Variants in TRAPPC9 observed in about 807,000 individuals in gnomAD.
TRAPPC9 encodes the protein IKK2 binding protein.
A neutral mutation model predicts 124.0 loss-of-function variants in TRAPPC9; 83 were observed. That is an observed-to-expected ratio of 0.67 (90% CI 0.56 to 0.80). The LOEUF (loss-of-function observed/expected upper bound fraction) is 0.80. Among genes scored for constraint, TRAPPC9 ranks in the 30% least tolerant of loss-of-function variants. The pLI, the probability that TRAPPC9 is intolerant of heterozygous loss-of-function variation, is 0.00. For missense variants in TRAPPC9, 1,302 were observed against 1,508.3 expected, an observed-to-expected ratio of 0.86 and a Z score of 2.27; for synonymous variants, 638 against 617.5, an observed-to-expected ratio of 1.03 and a Z score of -0.49.
At chr8:140,037,752 C>CCA (rs577081055) in intron 17 of TRAPPC9, among the ~76,000 whole-genome samples, 2 of 147,996 alleles carry the variant, frequency 1.4e-5, no homozygotes, top group South Asian at 4.3e-4. Context: ...CACACACACC[C>CCA]CACACACACA....
At position 139,762,595 on chromosome 8, in the gene TRAPPC9, G is replaced by A. The variant is rs144005235; in HGVS notation, c.3056-30393C>T. 5.8e-4 allele frequency among the ~76,000 whole-genome samples: 88 copies of A among 152,320 alleles called. 1 individual carries two copies. The highest frequency in any genetic ancestry group is 2.1e-3 in the African/African-American group (86 of 41,570). ...ACCCAAACATCTAGACACAGAAAAGGTATGGTAAAAATAAGGAATTATAAT... is the reference window on the plus strand; with the variant it reads ...ACCCAAACATCTAGACACAGAAAAGATATGGTAAAAATAAGGAATTATAAT... On this transcript the variant is annotated intron_variant, in intron 21 of 22. Coordinates refer to ENST00000438773, the MANE Select transcript of TRAPPC9 (RefSeq NM_001160372.4).
At chr8:140,185,493 A>G (rs2062331605) in intron 17 of TRAPPC9, among the ~76,000 whole-genome samples, 1 of 152,220 alleles carries the variant, frequency 6.6e-6, no homozygotes, top group South Asian at 2.1e-4. Context: ...TAGGGGGCTG[A>G]GGACCGAGTC....
intron 9 of TRAPPC9, among the ~76,000 whole-genome samples, chr8:140,352,407 T>G (rs1277864037): frequency 6.6e-6 from 1 of 152,210 alleles, no homozygotes; most frequent in East Asian, 1.9e-4. Context: ...TTAAACAACC[T>G]CAAGGTCTAC....
At chr8:140,394,058 C>T (rs2069015862) in intron 7 of TRAPPC9, among the ~76,000 whole-genome samples, 1 of 152,224 alleles carries the variant, frequency 6.6e-6, no homozygotes, top group Admixed American at 6.5e-5. Flanking sequence ...GGACAGGCTG[C>T]TCCAAAGAAC....
chr8:140,247,023 T>C (rs1563879123), intron 16 of TRAPPC9, among the ~76,000 whole-genome samples: 1 of 152,012 alleles, frequency 6.6e-6, no homozygotes, highest in Non-Finnish European at 1.5e-5. Context: ...CTTCCCATGC[T>C]CCCCCCATGT....
At chr8:139,736,911 C>G (rs2130006593) in intron 21 of TRAPPC9, among the ~76,000 whole-genome samples, 1 of 152,300 alleles carries the variant, frequency 6.6e-6, no homozygotes, top group Non-Finnish European at 1.5e-5. Context: ...CCCTGCTGAG[C>G]AGGGCTGCAA....
intron 21 of TRAPPC9, among the ~76,000 whole-genome samples, chr8:139,842,075 C>T (rs578254569): frequency 1.3e-5 from 2 of 152,332 alleles, no homozygotes; most frequent in Admixed American, 6.5e-5. Context: ...CAGCAGAGGC[C>T]GGTCCATGAG....
chr8:140,153,320 C>G (rs1347347879), intron 17 of TRAPPC9, among the ~76,000 whole-genome samples: 1 of 152,070 alleles, frequency 6.6e-6, no homozygotes, highest in Non-Finnish European at 1.5e-5. Context: ...CTTCTTCCCT[C>G]CATGATTTGT....
intron 17 of TRAPPC9, among the ~76,000 whole-genome samples, chr8:140,027,483 AC>A (rs1449368958): frequency 6.6e-6 from 1 of 152,240 alleles, no homozygotes; most frequent in Non-Finnish European, 1.5e-5. Context: ...TGGGGAATGA[AC>A]AAAAAGTACA....
At chr8:140,218,456 C>T (rs1012412209) in intron 17 of TRAPPC9, among the ~76,000 whole-genome samples, 8 of 152,014 alleles carry the variant, frequency 5.3e-5, no homozygotes, top group Non-Finnish European at 8.8e-5. Flanking sequence ...ATGACAATCT[C>T]GTTAATCTTG....
rs57243402 is a variant in TRAPPC9 at position 140,045,631 on chromosome 8, G to GAAAAAAAAAAA, written c.2557-21563_2557-21553dup. ...GACAGAGCAAGACTCCATCTCGGCA[G>GAAAAAAAAAAA]AAAAAAAAAAAAAAAAAAAAAAAAA... is the stretch of plus-strand genomic sequence containing the variant. On this transcript the variant is annotated intron_variant, in intron 17 of 22. Transcript: ENST00000438773. Among the ~76,000 whole-genome samples the GAAAAAAAAAAA allele has an allele frequency of 3.3e-4, 11 of 33,262 alleles. 2 individuals carry two copies. The highest frequency in any genetic ancestry group is 9.6e-4 in the African/African-American group (11 of 11,476). The allele number at this position is 33,262 out of a possible 152,430, so 21.8% of individuals were successfully genotyped here. A position where few individuals can be genotyped will look rare whatever the true frequency, so the allele number is the denominator to read the frequency against.
chr8:139,775,986 A>G (rs1444802614), intron 21 of TRAPPC9, among the ~76,000 whole-genome samples: 1 of 152,220 alleles, frequency 6.6e-6, no homozygotes, highest in East Asian at 1.9e-4. Flanking sequence ...CAAGCAAGGC[A>G]GCCCCTGGGC....
chr8:139,867,084 T>A (rs1828596547), intron 21 of TRAPPC9, among the ~76,000 whole-genome samples: 1 of 152,216 alleles, frequency 6.6e-6, no homozygotes, highest in Admixed American at 6.5e-5. Context: ...TCCGCCCGCC[T>A]TGGCCTCCCA....
chr8:140,107,866 G>C (rs1024794076), intron 17 of TRAPPC9, among the ~76,000 whole-genome samples: 1 of 128,956 alleles, frequency 7.8e-6, no homozygotes, highest in African/African-American at 3.3e-5. Flanking sequence ...GCAGAGAGGA[G>C]TGAAACATTT....
chr8:140,354,512 T>C (rs1048673085), intron 9 of TRAPPC9, among the ~76,000 whole-genome samples: 1 of 152,192 alleles, frequency 6.6e-6, no homozygotes, highest in African/African-American at 2.4e-5. Context: ...TTCAATCTTT[T>C]GCAAATACTG....
chr8:140,043,378 C>T (rs1237669661), intron 17 of TRAPPC9, among the ~76,000 whole-genome samples: 1 of 152,208 alleles, frequency 6.6e-6, no homozygotes, highest in Non-Finnish European at 1.5e-5. Context: ...GCCCATTATT[C>T]CCATTCTCCA....
At chr8:140,260,237 C>T (rs532419561) in intron 15 of TRAPPC9, among the ~76,000 whole-genome samples, 5 of 152,254 alleles carry the variant, frequency 3.3e-5, no homozygotes, top group East Asian at 1.9e-4. Flanking sequence ...AGAAGCCCCA[C>T]GGATCTGGCC....
intron 20 of TRAPPC9, among the ~76,000 whole-genome samples, chr8:139,909,904 G>C (rs1020507527): frequency 4.6e-5 from 7 of 152,182 alleles, no homozygotes; most frequent in South Asian, 2.1e-4. Flanking sequence ...ATCCAAAGAC[G>C]AGAGCACCAC....
At chr8:139,992,190 C>G (rs1174251656) in intron 18 of TRAPPC9, among the ~76,000 whole-genome samples, 1 of 152,016 alleles carries the variant, frequency 6.6e-6, no homozygotes, top group African/African-American at 2.4e-5. Flanking sequence ...CAACACAGTC[C>G]ACAACACAGG....
Sources: allele counts gnomAD v4.1 joint callset (sites outside exome capture counted in the v4.1 genomes callset), GRCh38; gene constraint gnomAD v4.1.1; transcripts MANE v1.5; gene names NCBI Gene and HGNC (gene_info 2026-07-23, HGNC 2026-07-21).